ITGB8: variants seen among roughly 807,000 people sequenced by gnomAD.
ITGB8 encodes the protein integrin subunit beta 8.
In ITGB8, 30 loss-of-function variants were observed where a neutral mutation model predicts 89.5. The observed-to-expected ratio is 0.34, with a 90% CI of 0.25 to 0.45. The LOEUF is 0.45. Ranked by LOEUF, ITGB8 falls within the 20% of genes least tolerant of loss-of-function variation. The pLI is 1.00. For synonymous variants in ITGB8, 335 were observed against 320.4 expected (o/e 1.05, Z -0.49); for missense variants, 836 against 933.3 (o/e 0.90, Z 1.36).
chr7:20,388,349 C>G (rs1232093748), intron 6 of ITGB8, among the ~76,000 whole-genome samples: 1 of 152,130 alleles, frequency 6.6e-6, no homozygotes, highest in Non-Finnish European at 1.5e-5. Context: ...AGTGATGTCA[C>G]CAGAACAGGA....
chr7:20,388,073 T>C (rs538264021), intron 6 of ITGB8, among the ~76,000 whole-genome samples: 56 of 152,360 alleles, frequency 3.7e-4, no homozygotes, highest in South Asian at 2.1e-4. Context: ...CACGTAGATA[T>C]ACACATTATT....
chr7:20,347,589 T>A (rs535563642), intron 1 of ITGB8, among the ~76,000 whole-genome samples: 1 of 152,228 alleles, frequency 6.6e-6, no homozygotes, highest in East Asian at 1.9e-4. Flanking sequence ...AAGATTTAAA[T>A]CAGAATAGAT....
At chr7:20,348,093 G>A (rs1328283708) in intron 1 of ITGB8, among the ~76,000 whole-genome samples, 1 of 152,154 alleles carries the variant, frequency 6.6e-6, no homozygotes, top group African/African-American at 2.4e-5. Context: ...TGAAAAGAAG[G>A]AATATTATTT....
At chr7:20,387,189 T>C (rs1786659993) in intron 6 of ITGB8, among the ~76,000 whole-genome samples, 1 of 152,226 alleles carries the variant, frequency 6.6e-6, no homozygotes, top group Non-Finnish European at 1.5e-5. Flanking sequence ...TCCAGTGAAA[T>C]GTAGATATTG....
At chr7:20,354,184 A>T (rs1785211601) in intron 1 of ITGB8, among the ~76,000 whole-genome samples, 1 of 152,202 alleles carries the variant, frequency 6.6e-6, no homozygotes, top group South Asian at 2.1e-4. Context: ...GTATTCTAGT[A>T]TATTGAGTGT....
intron 10 of ITGB8, among the ~76,000 whole-genome samples, chr7:20,404,239 C>A (rs1787439254): frequency 6.6e-6 from 1 of 152,338 alleles, no homozygotes; most frequent in Non-Finnish European, 1.5e-5. Flanking sequence ...GTGATGGAAG[C>A]CATATCAAAT....
rs530394408 is a variant in ITGB8 at position 20,412,209 on chromosome 7, A to C, written c.*2212A>C. ...TGTTAGATGTCCTCTACAGCCAAGC[A>C]CTTTCAATGCTAACTTGAACTGCAT... is the stretch of plus-strand genomic sequence containing the variant. On this transcript the variant is annotated 3_prime_UTR_variant, in exon 14 of 14. Transcript: ENST00000222573. The C allele has an allele frequency of 1.3e-5, 2 of 152,754 alleles. No individual in the cohort carries two copies. The highest frequency in any genetic ancestry group is 4.2e-4 in the South Asian group (2 of 4,818). 9.5% of individuals were successfully genotyped at this position (152,754 alleles called of 1,614,324 possible).
intron 1 of ITGB8, among the ~76,000 whole-genome samples, chr7:20,334,520 G>C (rs4607493): frequency 0.25 from 38,419 of 151,658 alleles, 5,426 homozygotes; most frequent in Non-Finnish European, 0.32. Context: ...GTTTATTCAA[G>C]TATCAATTAT....
At chr7:20,362,455 C>T (rs1223077961) in intron 1 of ITGB8, among the ~76,000 whole-genome samples, 1 of 152,190 alleles carries the variant, frequency 6.6e-6, no homozygotes, top group Admixed American at 6.5e-5. Context: ...AAGAGAGATA[C>T]TAAATGTGAC....
At chr7:20,399,159 G>T in intron 9 of ITGB8, 165 bp downstream of exon 9, 4 of 656,866 alleles carry the variant, frequency 6.1e-6, no homozygotes, top group Admixed American at 3.2e-5. Context: ...GTTCCTACTT[G>T]TTTTAGCTCA....
chr7:20,381,733 A>T lies in ITGB8; in HGVS notation c.808A>T (p.Ile270Phe). 6.2e-7 allele frequency: 1 copy of T among 1,606,486 alleles called. No homozygotes were observed. Among genetic ancestry groups the T allele is most frequent in the Non-Finnish European group, 8.5e-7 (1 of 1,177,208 alleles). ...MLQAAVCESH[I>F]GWRKEAKRLL... The stretch of plus-strand genomic sequence containing the variant: ...TTACATGTTTATTTTTAAGAGTCAT[A>T]TCGGATGGCGAAAAGAGGCTAAAAG... Residue 270 changes from isoleucine to phenylalanine, a missense_variant, in exon 6 of 14, where the codon ATC becomes TTC. Ile to Phe is a conservative substitution (Grantham distance 21). Coordinates refer to ENST00000222573, the MANE Select transcript of ITGB8 (RefSeq NM_002214.3).
rs1787753139 is a variant in ITGB8, at chr7:20,411,255, A to C, written c.*1258A>C. 1 of 147,878 alleles carries C rather than the reference A, an allele frequency of 6.8e-6. No homozygotes were observed. Among genetic ancestry groups the C allele is most frequent in the African/African-American group, 2.5e-5 (1 of 39,888 alleles). 9.2% of individuals were successfully genotyped at this position (147,878 alleles called of 1,614,324 possible). A position where few individuals can be genotyped will look rare whatever the true frequency, so the allele number is the denominator to read the frequency against. The stretch of plus-strand genomic sequence containing the variant: ...CTGCAACCTCTGCCTCCCGGGTTCA[A>C]GCAGTTCTCCTGCCTCAGCCTCCTG... On this transcript the variant is annotated 3_prime_UTR_variant, in exon 14 of 14. Transcript: ENST00000222573.
Position 20,367,133 on chromosome 7 carries a change from A to G in ITGB8, c.335A>G (p.Asn112Ser). 1 of 1,613,030 alleles carries G rather than the reference A, an allele frequency of 6.2e-7. No homozygotes were observed. The highest frequency in any genetic ancestry group is 8.5e-7 in the Non-Finnish European group (1 of 1,179,104). The change falls in exon 3 of 14, where the codon AAT (asparagine) becomes AGT (serine). Residue 112 changes from asparagine (N) to serine (S), a missense_variant. Around this residue, in one of 5 missense-constraint regions of ITGB8, gnomAD observed 182 missense variants for 177.0 expected, o/e 1.03. Coordinates refer to ENST00000222573, the MANE Select transcript of ITGB8 (RefSeq NM_002214.3). ...GTGCATGTTATAATACCCACTGAAA[A>G]TGAAATTAATACCCAGGTGACACCA... is the stretch of plus-strand genomic sequence containing the variant. ...PSVHVIIPTE[N>S]EINTQVTPGE... is the part of the protein sequence containing the mutation.
intron 3 of ITGB8, among the ~76,000 whole-genome samples, chr7:20,369,553 C>A (rs950489502): frequency 3.3e-5 from 5 of 152,172 alleles, no homozygotes; most frequent in African/African-American, 1.2e-4. Context: ...TAAACCTAAT[C>A]ATATCTCTCA....
chr7:20,389,923 C>T (rs1404726491), intron 6 of ITGB8, among the ~76,000 whole-genome samples: 1 of 151,446 alleles, frequency 6.6e-6, no homozygotes, highest in African/African-American at 2.4e-5. Context: ...CGTGTTAATA[C>T]TTTTTAAGCT....
chr7:20,403,692 G>T (rs908802140), intron 10 of ITGB8, among the ~76,000 whole-genome samples: 1 of 151,916 alleles, frequency 6.6e-6, no homozygotes. Context: ...CCTGTGAGGT[G>T]CTCAGCAATA....
At chr7:20,347,652 T>C (rs1438826250) in intron 1 of ITGB8, among the ~76,000 whole-genome samples, 2 of 152,208 alleles carry the variant, frequency 1.3e-5, no homozygotes, top group African/African-American at 2.4e-5. Context: ...AAGAGGAACA[T>C]AATGTTTGAG....
intron 8 of ITGB8, 113 bp from the exon 9 acceptor site, chr7:20,398,747 A>C (rs6944997): frequency 0.28 from 175,588 of 638,286 alleles, 27,451 homozygotes; most frequent in Non-Finnish European, 0.32. Context: ...ATAGAAACAG[A>C]CTCTTTGATC....
intron 1 of ITGB8, among the ~76,000 whole-genome samples, chr7:20,348,613 G>A (rs966504837): frequency 6.6e-6 from 1 of 152,334 alleles, no homozygotes; most frequent in East Asian, 1.9e-4. Context: ...TGTCCATGGT[G>A]GAGGTAGTGA....
Sources: allele counts gnomAD v4.1 joint callset (sites outside exome capture counted in the v4.1 genomes callset), GRCh38; gene constraint gnomAD v4.1.1; regional missense constraint gnomAD v4.1.1; transcripts MANE v1.5; gene names NCBI Gene and HGNC (gene_info 2026-07-23, HGNC 2026-07-21).